Variants in SGCD observed in about 807,000 individuals in gnomAD.
The protein encoded by SGCD is delta-sarcoglycan.
SGCD carries 18 observed loss-of-function variants against 36.6 expected under a neutral mutation model. The observed-to-expected ratio is 0.49, with a 90% confidence interval of 0.34 to 0.73. The LOEUF (loss-of-function observed/expected upper bound fraction) is 0.73. SGCD is among the 30% of genes least tolerant of loss of function. The probability of loss-of-function intolerance (pLI) is 0.01; values close to 1 mark genes in which losing one functional copy is unlikely to be tolerated. For synonymous variants in SGCD, 133 were observed against 130.6 expected, an observed-to-expected ratio of 1.02 and a Z score of -0.12; for missense variants, 387 against 346.7, an observed-to-expected ratio of 1.12 and a Z score of -0.92.
intron 3 of SGCD, among the ~76,000 whole-genome samples, chr5:156,383,813 A>G (rs931798): frequency 0.79 from 120,389 of 152,110 alleles, 48,412 homozygotes; most frequent in African/African-American, 0.94. Flanking sequence ...AACAGATCGT[A>G]TCTTCTTTGA....
chr5:156,330,847 A>G (rs552107666), intron 2 of SGCD, among the ~76,000 whole-genome samples: 1 of 152,304 alleles, frequency 6.6e-6, no homozygotes, highest in East Asian at 1.9e-4. Flanking sequence ...GTCTGCCTCA[A>G]ACGAAGACTG....
intron 1 of SGCD, among the ~76,000 whole-genome samples, chr5:156,103,234 A>T (rs1761563608): frequency 6.6e-6 from 1 of 152,144 alleles, no homozygotes; most frequent in African/African-American, 2.4e-5. Flanking sequence ...TCTAAGCCCC[A>T]CTACTACTCC....
At chr5:156,440,655 G>C (rs576485336) in intron 3 of SGCD, among the ~76,000 whole-genome samples, 1 of 152,070 alleles carries the variant, frequency 6.6e-6, no homozygotes, top group Non-Finnish European at 1.5e-5. Context: ...TGCCATCCTA[G>C]TGGGTGTGAA....
chr5:155,824,698 A>T, the SGCD span, among the ~76,000 whole-genome samples: 1 of 152,162 alleles, frequency 6.6e-6, no homozygotes, highest in African/African-American at 2.4e-5. Context: ...CGAGTGGTTA[A>T]GACTTGAACC....
intron 3 of SGCD, among the ~76,000 whole-genome samples, chr5:156,373,862 T>C (rs145441114): frequency 6.6e-6 from 1 of 152,290 alleles, no homozygotes; most frequent in Non-Finnish European, 1.5e-5. Context: ...TGGATCCACA[T>C]CACCCAGTGG....
At chr5:155,799,953 G>A in the SGCD span, among the ~76,000 whole-genome samples, 6 of 150,156 alleles carry the variant, frequency 4.0e-5, no homozygotes, top group African/African-American at 1.5e-4. Context: ...CAAGTAGCTA[G>A]GACTACAGGC....
the SGCD span, among the ~76,000 whole-genome samples, chr5:155,775,600 C>T: frequency 6.6e-6 from 1 of 151,962 alleles, no homozygotes; most frequent in Non-Finnish European, 1.5e-5. Context: ...TTTTACATAC[C>T]TCATTAGATG....
intron 3 of SGCD, among the ~76,000 whole-genome samples, chr5:156,446,671 C>T (rs774276013): frequency 1.3e-5 from 2 of 152,000 alleles, no homozygotes; most frequent in African/African-American, 2.4e-5. Flanking sequence ...CTTCCCTGGC[C>T]GAAGGAGCTG....
chr5:156,642,562 G>A lies in SGCD; in HGVS notation c.503-4902G>A, dbSNP rs564470792. On this transcript the variant is annotated intron_variant, in intron 6 of 8. Coordinates refer to ENST00000337851, the MANE Select transcript of SGCD (RefSeq NM_000337.6). ...TCGACTCCCTGCAATTCCAACTCCC[G>A]GGTTCAAGCAATTCTCCTGCCTCAG... Among the ~76,000 whole-genome samples the A allele has an allele frequency of 1.6e-4, 23 of 144,798 alleles. 1 individual carries two copies. The highest frequency in any genetic ancestry group is 5.2e-4 in the African/African-American group (20 of 38,724). 95.0% of individuals were successfully genotyped at this position (144,798 alleles called of 152,430 possible). A position where few individuals can be genotyped will look rare whatever the true frequency, so the allele number is the denominator to read the frequency against.
chr5:156,423,182 T>TA (rs1308101597), intron 3 of SGCD, among the ~76,000 whole-genome samples: 4 of 126,600 alleles, frequency 3.2e-5, no homozygotes, highest in African/African-American at 1.3e-4. Context: ...ATATAATTAA[T>TA]TATATAATAT....
chr5:156,281,039 TA>T (rs1291217146), intron 3 of SGCD, among the ~76,000 whole-genome samples: 6 of 152,296 alleles, frequency 3.9e-5, no homozygotes, highest in Admixed American at 6.5e-5. Flanking sequence ...TATACAACAT[TA>T]AGCAGACATT....
At chr5:156,620,316 A>C (rs1407568015) in intron 6 of SGCD, among the ~76,000 whole-genome samples, 3 of 152,202 alleles carry the variant, frequency 2.0e-5, no homozygotes, top group African/African-American at 7.2e-5. Context: ...CATTTGTACA[A>C]CTGTCACCAA....
chr5:156,151,922 G>A (rs1762844243), intron 3 of SGCD, among the ~76,000 whole-genome samples: 1 of 151,066 alleles, frequency 6.6e-6, no homozygotes, highest in African/African-American at 2.5e-5. Flanking sequence ...TGGATTTTGT[G>A]ATTCATAAAC....
At chr5:155,949,594 C>A (rs187259448) in intron 1 of SGCD, among the ~76,000 whole-genome samples, 1 of 152,064 alleles carries the variant, frequency 6.6e-6, no homozygotes. Context: ...AGATTTTACA[C>A]GTCTAAATAA....
intron 1 of SGCD, among the ~76,000 whole-genome samples, chr5:155,929,649 T>C (rs2113388725): frequency 6.6e-6 from 1 of 152,334 alleles, no homozygotes; most frequent in East Asian, 1.9e-4. Flanking sequence ...AAACTTCTGA[T>C]GAGTCTCATT....
chr5:155,873,151 C>T (rs571189166), intron 1 of SGCD, among the ~76,000 whole-genome samples: 2 of 152,262 alleles, frequency 1.3e-5, no homozygotes, highest in East Asian at 3.9e-4. Flanking sequence ...CCTCCCTCCC[C>T]AGTAGAATCC....
intron 1 of SGCD, among the ~76,000 whole-genome samples, chr5:155,996,846 C>T (rs996219038): frequency 7.1e-6 from 1 of 140,578 alleles, no homozygotes; most frequent in Non-Finnish European, 1.5e-5. Flanking sequence ...AATGGTAAAT[C>T]TGATATCTGG....
At chr5:155,818,081 A>T in the SGCD span, among the ~76,000 whole-genome samples, 1 of 152,222 alleles carries the variant, frequency 6.6e-6, no homozygotes, top group Non-Finnish European at 1.5e-5. Context: ...GAAGAATACT[A>T]AAGTGAGCCA....
chr5:155,985,426 C>T (rs1450604894), intron 1 of SGCD, among the ~76,000 whole-genome samples: 2 of 152,280 alleles, frequency 1.3e-5, no homozygotes, highest in South Asian at 4.1e-4. Flanking sequence ...CCTTCTGCGT[C>T]GTCCTCTAAT....
Sources: allele counts gnomAD v4.1 joint callset (sites outside exome capture counted in the v4.1 genomes callset), GRCh38; gene constraint gnomAD v4.1.1; transcripts MANE v1.5; gene names NCBI Gene and HGNC (gene_info 2026-07-23, HGNC 2026-07-21).